Variants in ELP3 observed in about 807,000 individuals in gnomAD.
The protein encoded by ELP3 is elongator complex protein 3.
A neutral mutation model predicts 74.9 loss-of-function variants in ELP3; 56 were observed. That is an observed-to-expected ratio of 0.75 (90% CI 0.60 to 0.93). The LOEUF is 0.93. Ranked by LOEUF, ELP3 falls within the 40% of genes least tolerant of loss-of-function variation. The pLI is 0.00. For missense variants in ELP3, 573 were observed against 686.5 expected, an observed-to-expected ratio of 0.83 and a Z score of 1.85; for synonymous variants, 222 against 239.8, an observed-to-expected ratio of 0.93 and a Z score of 0.68.
chr8:28,106,621 C>T (rs1470993677), intron 3 of ELP3, 92 bp from the exon 4 acceptor site: 2 of 929,088 alleles, frequency 2.2e-6, no homozygotes, highest in African/African-American at 1.7e-5. Context: ...TCTCTGGTTG[C>T]ATTCCTCTCC....
At chr8:28,092,962 CGT>C, upstream of ELP3, 1 of 634,224 alleles carries the variant, frequency 1.6e-6, no homozygotes, top group South Asian at 1.8e-5. Flanking sequence ...TCCGTTCAGA[CGT>C]TCCCATCCTC....
At chr8:28,180,518 A>G (rs1299785644) in intron 14 of ELP3, among the ~76,000 whole-genome samples, 1 of 152,214 alleles carries the variant, frequency 6.6e-6, no homozygotes, top group Admixed American at 6.5e-5. Flanking sequence ...TAGTAAGCAT[A>G]CCTGTTTGCA....
At chr8:28,095,246 C>T (rs1277026621) in intron 1 of ELP3, among the ~76,000 whole-genome samples, 1 of 152,234 alleles carries the variant, frequency 6.6e-6, no homozygotes, top group African/African-American at 2.4e-5. Flanking sequence ...TACTCATTTA[C>T]TCTTCCAGTT....
At chr8:28,109,526 A>G (rs7830420) in intron 5 of ELP3, among the ~76,000 whole-genome samples, 4,228 of 152,244 alleles carry the variant, frequency 0.028, 213 homozygotes, top group African/African-American at 0.097. Flanking sequence ...CAGGTTGCCT[A>G]TCCCTTATGT....
intron 14 of ELP3, among the ~76,000 whole-genome samples, chr8:28,178,240 A>C (rs150711552): frequency 1.3e-5 from 2 of 152,186 alleles, no homozygotes; most frequent in African/African-American, 4.8e-5. Flanking sequence ...ATACTATTGC[A>C]TTGGGGATTA....
At chr8:28,101,064 C>T (rs1204562684) in intron 3 of ELP3, among the ~76,000 whole-genome samples, 2 of 152,092 alleles carry the variant, frequency 1.3e-5, no homozygotes, top group East Asian at 3.8e-4. Flanking sequence ...CACCAAACCT[C>T]ATATCCTCTT....
intron 9 of ELP3, among the ~76,000 whole-genome samples, chr8:28,137,156 T>C (rs765838977): frequency 1.8e-4 from 27 of 152,310 alleles, no homozygotes; most frequent in Non-Finnish European, 2.6e-4. Context: ...GTCACAACTT[T>C]TGAAATGTAA....
intron 6 of ELP3, 96 bp downstream of exon 6, chr8:28,110,534 G>GA: frequency 2.7e-6 from 3 of 1,109,092 alleles, no homozygotes. Flanking sequence ...AAATAAGAAT[G>GA]AAAAAGGTGT....
intron 1 of ELP3, among the ~76,000 whole-genome samples, chr8:28,093,833 G>A (rs1811144655): frequency 6.6e-6 from 1 of 152,078 alleles, no homozygotes; most frequent in East Asian, 1.9e-4. Flanking sequence ...TCTAATCATG[G>A]TAATTGTTGT....
intron 3 of ELP3, 33 bp from the exon 4 acceptor site, chr8:28,106,680 A>C (rs777677242): frequency 2.5e-6 from 4 of 1,585,860 alleles, no homozygotes. Context: ...TAATTATCCT[A>C]TAATAGCTTT....
At chr8:28,148,585 CTT>C (rs1480625785) in intron 10 of ELP3, among the ~76,000 whole-genome samples, 2 of 152,168 alleles carry the variant, frequency 1.3e-5, no homozygotes, top group Non-Finnish European at 2.9e-5. Flanking sequence ...TTTAGATACT[CTT>C]TATCAAGTTG....
At chr8:28,116,588 A>G (rs917089894) in intron 7 of ELP3, among the ~76,000 whole-genome samples, 2 of 152,128 alleles carry the variant, frequency 1.3e-5, no homozygotes, top group African/African-American at 4.8e-5. Context: ...AAAAATGTAA[A>G]AATTAGCTGG....
chr8:28,150,926 C>T (rs1229260449), intron 10 of ELP3, among the ~76,000 whole-genome samples: 4 of 152,132 alleles, frequency 2.6e-5, no homozygotes, highest in Non-Finnish European at 2.9e-5. Context: ...CCCAAATAAT[C>T]GGGACTACAG....
chr8:28,090,355 G>T, upstream of ELP3: 1 of 383,586 alleles, frequency 2.6e-6, no homozygotes, highest in Non-Finnish European at 5.1e-6. Flanking sequence ...CCCAACTCTG[G>T]AGCCCAGGAT....
chr8:28,101,639 G>T (rs1192332232), intron 3 of ELP3, among the ~76,000 whole-genome samples: 1 of 150,768 alleles, frequency 6.6e-6, no homozygotes, highest in African/African-American at 2.4e-5. Context: ...GCCCAGGCAG[G>T]AGTACAGTGG....
Position 28,165,252 on chromosome 8 carries a change from T to C in ELP3, c.1567+3174T>C, listed in dbSNP as rs1814262041. Among the ~76,000 whole-genome samples the C allele has an allele frequency of 2.6e-5, 4 of 152,212 alleles. No homozygotes were observed. In the South Asian group the frequency reaches 8.3e-4, roughly 32 times the overall value. On this transcript the variant is annotated intron_variant, in intron 14 of 14. Transcript: ENST00000256398. ...TAGTTCTCAGCATGACCAATTATGT[T>C]TTCCTAATTAAATTGTAGGTGGGAC... is the stretch of plus-strand genomic sequence containing the variant.
rs1812368343 is a variant in ELP3, at chr8:28,121,438, G to C, written c.618-8064G>C. On this transcript the variant is annotated intron_variant, in intron 7 of 14. Transcript: ENST00000256398. ...GGGCTCAAGACATTCTCCTGCCTCA[G>C]CCTCCCGAGTAGCTGGGATTACAGG... 2.0e-5 allele frequency among the ~76,000 whole-genome samples: 3 copies of C among 150,994 alleles called. No homozygotes were observed. The South Asian group carries it at 6.3e-4, about 31-fold the overall frequency.
intron 14 of ELP3, among the ~76,000 whole-genome samples, chr8:28,173,273 G>A (rs1479615776): frequency 6.6e-6 from 1 of 151,830 alleles, no homozygotes; most frequent in Admixed American, 6.6e-5. Flanking sequence ...TTCTTATTGG[G>A]ACATTTTTTA....
intron 14 of ELP3, among the ~76,000 whole-genome samples, chr8:28,186,998 T>G (rs1815265177): frequency 6.6e-6 from 1 of 152,120 alleles, no homozygotes; most frequent in African/African-American, 2.4e-5. Flanking sequence ...TAGCAGCCAT[T>G]CCACATGCAG....
Sources: gnomAD v4.1 joint callset for allele counts (sites outside exome capture counted in the v4.1 genomes callset) on GRCh38, gnomAD v4.1.1 for gene constraint, MANE v1.5 for transcripts, NCBI Gene and HGNC (gene_info 2026-07-23, HGNC 2026-07-21) for gene names.